Variants in PMPCA observed in about 807,000 individuals in gnomAD.
PMPCA encodes the protein mitochondrial-processing peptidase subunit alpha.
Under a neutral mutation model 59.3 loss-of-function variants are expected in PMPCA, and 47 were observed. That is an observed-to-expected ratio of 0.79 (90% CI 0.63 to 1.01). PMPCA has a LOEUF of 1.01. PMPCA is among the 50% of genes least tolerant of loss of function. The pLI, the probability that PMPCA is intolerant of heterozygous loss-of-function variation, is 0.00. For synonymous variants in PMPCA, 338 were observed against 290.3 expected (o/e 1.16, Z -1.67); for missense variants, 726 against 704.5 (o/e 1.03, Z -0.34).
rs1835330276 is a variant in PMPCA at position 136,418,014 on chromosome 9, C to T, written c.898-3C>T. ...CGACACTTGCTTGTTTTCTTGGTTA[C>T]AGCTAGAAAGAGACATGTCCAATGT... On this transcript the variant is annotated splice_polypyrimidine_tract_variant and splice_region_variant and intron_variant, in intron 7 of 12. Transcript: ENST00000371717. 6.2e-7 allele frequency: 1 copy of T among 1,608,936 alleles called. No individual in the cohort carries two copies. The highest frequency in any genetic ancestry group is 8.5e-7 in the Non-Finnish European group (1 of 1,175,222).
At chr9:136,411,794 A>T (rs1835125754) in intron 1 of PMPCA, among the ~76,000 whole-genome samples, 2 of 152,230 alleles carry the variant, frequency 1.3e-5, no homozygotes, top group South Asian at 4.1e-4. Flanking sequence ...GACCCAAAGG[A>T]CGGAACCAGC....
In PMPCA at chr9:136,422,123, G is replaced by T. The variant is rs779466363; in HGVS notation, c.1408+147G>T. 8 of 1,544,398 alleles carry T rather than the reference G, an allele frequency of 5.2e-6. No individual in the cohort carries two copies. The South Asian group carries it at 7.2e-5, about 14-fold the overall frequency. The stretch of plus-strand genomic sequence containing the variant: ...GCCTTCACCAGTTGTCCTCAGCAGG[G>T]GCGGCCAAGGGCAGGGTCGTGGGGT... On this transcript the variant is annotated intron_variant, in intron 12 of 12. Coordinates refer to ENST00000371717, the MANE Select transcript of PMPCA (RefSeq NM_015160.3).
In PMPCA at chr9:136,421,404, G is replaced by GTTTTTTTGTTTT. The variant is rs780035978; in HGVS notation, c.1264-421_1264-420insGTTTTTTTTTTT. Among the ~76,000 whole-genome samples, 12 of 117,998 alleles carry GTTTTTTTGTTTT rather than the reference G, an allele frequency of 1.0e-4. 1 individual carries two copies. The highest frequency in any genetic ancestry group is 2.6e-4 in the East Asian group (1 of 3,908). The allele number at this position is 117,998 out of a possible 152,430, so 77.4% of individuals were successfully genotyped here. A position where few individuals can be genotyped will look rare whatever the true frequency, so the allele number is the denominator to read the frequency against. ...GCCTGTGACTTGGGCCTGGGTTCCC[G>GTTTTTTTGTTTT]TTTTTTTTTTTTTTTTTTTTTTTGA... is the stretch of plus-strand genomic sequence containing the variant. On this transcript the variant is annotated intron_variant, in intron 11 of 12. Transcript: ENST00000371717.
At chr9:136,416,604 C>T in intron 6 of PMPCA, 1 of 629,334 alleles carries the variant, frequency 1.6e-6, no homozygotes, top group Admixed American at 2.4e-5. Context: ...GCCTCTGCCT[C>T]CCAAGTAGCT....
At chr9:136,419,134 G>A (rs1297481864) in intron 11 of PMPCA, 28 bp downstream of exon 11, 3 of 1,597,348 alleles carry the variant, frequency 1.9e-6, no homozygotes, top group Non-Finnish European at 2.6e-6. Flanking sequence ...CCATTTCCAG[G>A]CGTACCTGTG....
intron 11 of PMPCA, among the ~76,000 whole-genome samples, chr9:136,421,195 G>C (rs1160444364): frequency 6.6e-6 from 1 of 152,218 alleles, no homozygotes; most frequent in African/African-American, 2.4e-5. Context: ...CGATTTTGCC[G>C]TGTGGCCACT....
In PMPCA at chr9:136,422,514, C is replaced by T. The variant is rs528009981; in HGVS notation, c.1408+538C>T. On this transcript the variant is annotated intron_variant, in intron 12 of 12. Transcript: ENST00000371717. The stretch of plus-strand genomic sequence containing the variant: ...GGCTGCCTATTACGTTGGGGTGGCT[C>T]GGGCTTATGGTGTCACCTGTGGGCA... 4.6e-4 allele frequency: 475 copies of T among 1,026,068 alleles called. 9 individuals carry two copies. The South Asian group carries it at 0.015, about 33-fold the overall frequency. The allele number at this position is 1,026,068 out of a possible 1,614,324, so 63.6% of individuals were successfully genotyped here.
At chr9:136,417,440 C>T (rs1175951226) in intron 7 of PMPCA, among the ~76,000 whole-genome samples, 1 of 151,020 alleles carries the variant, frequency 6.6e-6, no homozygotes, top group Non-Finnish European at 1.5e-5. Flanking sequence ...GGTTCTTTCT[C>T]TAGGGGAGTG....
chr9:136,418,208 G>A (rs1427572965), intron 8 of PMPCA, 99 bp downstream of exon 8: 6 of 842,532 alleles, frequency 7.1e-6, no homozygotes, highest in African/African-American at 6.9e-5. Flanking sequence ...GCTCCTGATG[G>A]GGCGTGGGCG....
At position 136,412,132 on chromosome 9, in the gene PMPCA, AACCACAT is replaced by A; in HGVS notation, c.208_214del (p.Thr70TrpfsTer19). Reference sequence around the variant, plus strand: ...GACAGGAAAAGTTTGAAACCAAAGTAACCACATTGGATAATGGGCTTCGCGTGGCATC... The same window carrying A: ...GACAGGAAAAGTTTGAAACCAAAGTATGGATAATGGGCTTCGCGTGGCATC... On this transcript the variant is annotated frameshift_variant, in exon 2 of 13. Transcript: ENST00000371717. LOFTEE classifies it high-confidence loss of function. 6.2e-7 allele frequency: 1 copy of A among 1,613,854 alleles called. No homozygotes were observed. Among genetic ancestry groups the A allele is most frequent in the Non-Finnish European group, 8.5e-7 (1 of 1,179,710 alleles).
At chr9:136,415,110 G>A (rs533261200) in intron 5 of PMPCA, among the ~76,000 whole-genome samples, 1 of 152,168 alleles carries the variant, frequency 6.6e-6, no homozygotes, top group South Asian at 2.1e-4. Flanking sequence ...AAAGGAAAAA[G>A]AAATAGTGCT....
intron 12 of PMPCA, 195 bp downstream of exon 12, chr9:136,422,171 G>A (rs775642967): frequency 1.6e-5 from 24 of 1,525,524 alleles, no homozygotes; most frequent in East Asian, 2.5e-5. Flanking sequence ...CTCACTTCCC[G>A]GCCCCACCAT....
intron 11 of PMPCA, 165 bp downstream of exon 11, chr9:136,419,271 A>G: frequency 1.4e-6 from 1 of 724,974 alleles, no homozygotes; most frequent in Non-Finnish European, 2.5e-6. Flanking sequence ...CCTGGGGCTG[A>G]GCTGCTCCAC....
In PMPCA at chr9:136,417,228, A is replaced by G; in HGVS notation, c.897+14A>G. The G allele has an allele frequency of 6.4e-7, 1 of 1,556,812 alleles. No individual in the cohort carries two copies. The stretch of plus-strand genomic sequence containing the variant: ...GGGATTGCCAAGGTGAAGTAGCGGG[A>G]ACGTCTCATGGCCTCGGGTGGGGAA... On this transcript the variant is annotated intron_variant, in intron 7 of 12. Transcript: ENST00000371717.
At chr9:136,418,323 C>T (rs1588817338) in intron 8 of PMPCA, among the ~76,000 whole-genome samples, 1 of 151,658 alleles carries the variant, frequency 6.6e-6, no homozygotes, top group Non-Finnish European at 1.5e-5. Flanking sequence ...TGACGGCGCT[C>T]GTGACACAGC....
chr9:136,412,106 G>A lies in PMPCA; in HGVS notation c.181G>A (p.Gly61Arg). The A allele has an allele frequency of 1.2e-6, 2 of 1,613,662 alleles. No individual in the cohort carries two copies. Among genetic ancestry groups the A allele is most frequent in the Non-Finnish European group, 1.7e-6 (2 of 1,179,620 alleles). ...VPKPVFATVDGQEKFETKVTT... is the reference protein window; with the variant it reads ...VPKPVFATVDRQEKFETKVTT... ...CAAGCCTGTTTTTGCTACAGTTGATGGACAGGAAAAGTTTGAAACCAAAGT... is the reference window on the plus strand; with the variant it reads ...CAAGCCTGTTTTTGCTACAGTTGATAGACAGGAAAAGTTTGAAACCAAAGT... Residue 61 changes from glycine (G) to arginine (R), a missense_variant, in exon 2 of 13, where the codon GGA (glycine) becomes AGA (arginine). Coordinates refer to ENST00000371717, the MANE Select transcript of PMPCA (RefSeq NM_015160.3).
chr9:136,422,644 C>G, intron 12 of PMPCA: 1 of 1,010,436 alleles, frequency 9.9e-7, no homozygotes, highest in Non-Finnish European at 1.2e-6. Flanking sequence ...TGTCCAGCCT[C>G]TCTCGGGCCT....
At position 136,410,915 on chromosome 9, in the gene PMPCA, G is replaced by T. The variant is rs577932915; in HGVS notation, c.71+176G>T. 5.2e-5 allele frequency among the ~76,000 whole-genome samples: 8 copies of T among 152,382 alleles called. No homozygotes were observed. The South Asian group carries it at 1.7e-3, about 32-fold the overall frequency. ...GCCTTGCTTTGCGCCTCGAGCCCGG[G>T]GACGCAGTCCCATCTGTCTCTCCTC... On this transcript the variant is annotated intron_variant, in intron 1 of 12. Coordinates refer to ENST00000371717, the MANE Select transcript of PMPCA (RefSeq NM_015160.3).
chr9:136,418,277 G>A (rs1257722852), intron 8 of PMPCA, among the ~76,000 whole-genome samples, 168 bp downstream of exon 8: 1 of 151,670 alleles, frequency 6.6e-6, no homozygotes, highest in Non-Finnish European at 1.5e-5. Flanking sequence ...TGCAGTGTGG[G>A]CGACTCAGCC....
Sources: allele counts gnomAD v4.1 joint callset (sites outside exome capture counted in the v4.1 genomes callset), GRCh38; gene constraint gnomAD v4.1.1; transcripts MANE v1.5; gene names NCBI Gene and HGNC (gene_info 2026-07-23, HGNC 2026-07-21).